The following CAMTA1 variants were observed in gnomAD, a reference collection of about 807,000 sequenced individuals.
CAMTA1 encodes the protein calmodulin-binding transcription activator 1.
CAMTA1 carries 27 observed loss-of-function variants against 170.9 expected under a neutral mutation model. The observed-to-expected ratio is 0.16, with a 90% CI of 0.12 to 0.22. The LOEUF is 0.22. Among genes scored for constraint, CAMTA1 ranks in the 10% least tolerant of loss-of-function variants. The pLI, the probability that CAMTA1 is intolerant of heterozygous loss-of-function variation, is 1.00. For missense variants in CAMTA1, 1,619 were observed against 2,217.2 expected (o/e 0.73, Z 5.42); for synonymous variants, 833 against 891.5 (o/e 0.93, Z 1.17).
chr1:6,888,750 C>A (rs1398596821), intron 3 of CAMTA1, among the ~76,000 whole-genome samples: 1 of 152,150 alleles, frequency 6.6e-6, no homozygotes, highest in African/African-American at 2.4e-5. Context: ...CGTCTTTATT[C>A]GTTGTGTGTT....
intron 4 of CAMTA1, among the ~76,000 whole-genome samples, chr1:7,183,340 C>A (rs569320357): frequency 2.6e-5 from 4 of 152,144 alleles, no homozygotes; most frequent in Admixed American, 6.5e-5. Context: ...GCCCCAACTG[C>A]AACTTGGGGA....
At chr1:7,511,004 C>G (rs899712374) in intron 6 of CAMTA1, among the ~76,000 whole-genome samples, 1 of 144,928 alleles carries the variant, frequency 6.9e-6, no homozygotes, top group African/African-American at 2.5e-5. Flanking sequence ...CGAGCCTCCC[C>G]TCTTTAAACT....
At chr1:7,582,613 C>T (rs2150406059) in intron 6 of CAMTA1, among the ~76,000 whole-genome samples, 1 of 152,288 alleles carries the variant, frequency 6.6e-6, no homozygotes, top group East Asian at 1.9e-4. Context: ...ACTCCAGCAG[C>T]TTCTGGTCCA....
intron 11 of CAMTA1, among the ~76,000 whole-genome samples, chr1:7,706,294 T>G (rs1198173040): frequency 6.6e-6 from 1 of 152,256 alleles, no homozygotes; most frequent in Non-Finnish European, 1.5e-5. Context: ...GTTTGGTTGC[T>G]TGAATGAATG....
intron 22 of CAMTA1, among the ~76,000 whole-genome samples, chr1:7,763,672 T>G (rs925170182): frequency 1.3e-5 from 2 of 152,256 alleles, no homozygotes; most frequent in African/African-American, 4.8e-5. Flanking sequence ...GATTATAGAT[T>G]CTTTGGTATG....
In CAMTA1 at chr1:6,901,736, G is replaced by T. The variant is rs1454559806; in HGVS notation, c.234+76526G>T. ...GACCCTGGTAATACCAAGTGCTGGT[G>T]AACATGTAGGGAAACTGAAACTCTT... On this transcript the variant is annotated intron_variant, in intron 3 of 22. Transcript: ENST00000303635. Among the ~76,000 whole-genome samples, 2 of 152,122 alleles carry T rather than the reference G, an allele frequency of 1.3e-5. 1 individual carries two copies. Among genetic ancestry groups the T allele is most frequent in the East Asian group, 3.9e-4 (2 of 5,184 alleles).
chr1:6,875,892 C>T (rs1202504535), intron 3 of CAMTA1, among the ~76,000 whole-genome samples: 3 of 152,230 alleles, frequency 2.0e-5, no homozygotes, highest in Admixed American at 2.0e-4. Flanking sequence ...ACATTGTGCA[C>T]ATATGGATCT....
chr1:7,453,623 G>C (rs1287156171), intron 5 of CAMTA1, among the ~76,000 whole-genome samples: 1 of 152,246 alleles, frequency 6.6e-6, no homozygotes, highest in Non-Finnish European at 1.5e-5. Context: ...CCCTGGAGGG[G>C]GACATGTGGG....
intron 4 of CAMTA1, among the ~76,000 whole-genome samples, chr1:7,239,748 TAGA>T (rs1215793830): frequency 6.8e-6 from 1 of 147,592 alleles, no homozygotes; most frequent in Non-Finnish European, 1.5e-5. Context: ...TTATAAACAA[TAGA>T]AGTTTACTTG....
chr1:7,269,232 A>C (rs530989374), intron 5 of CAMTA1, among the ~76,000 whole-genome samples: 1 of 152,272 alleles, frequency 6.6e-6, no homozygotes, highest in South Asian at 2.1e-4. Flanking sequence ...AGCATTCTTG[A>C]TTGTTTTACA....
In CAMTA1 at chr1:6,886,224, G is replaced by C. The variant is rs192741888; in HGVS notation, c.234+61014G>C. 384 of 455,880 alleles carry C rather than the reference G, an allele frequency of 8.4e-4. 1 individual carries two copies. Among genetic ancestry groups the C allele is most frequent in the African/African-American group, 6.9e-3 (346 of 50,168 alleles). The allele number at this position is 455,880 out of a possible 1,614,324, so 28.2% of individuals were successfully genotyped here. On this transcript the variant is annotated intron_variant, in intron 3 of 22. Transcript: ENST00000303635. ...TTGGAGGAAGAGAAGAATAAATACTGTTTTTGTTTATACAGGTCTTAAAAT... is the reference window on the plus strand; with the variant it reads ...TTGGAGGAAGAGAAGAATAAATACTCTTTTTGTTTATACAGGTCTTAAAAT...
At chr1:7,753,366 G>A (rs2096910766) in intron 21 of CAMTA1, among the ~76,000 whole-genome samples, 1 of 152,220 alleles carries the variant, frequency 6.6e-6, no homozygotes, top group African/African-American at 2.4e-5. Context: ...CGAGCTGGGT[G>A]TAGACCACCT....
intron 3 of CAMTA1, among the ~76,000 whole-genome samples, chr1:7,018,135 A>C (rs1700826256): frequency 1.3e-5 from 2 of 152,032 alleles, no homozygotes; most frequent in Non-Finnish European, 2.9e-5. Flanking sequence ...GGCTAATGCC[A>C]GGGCTTTTTA....
At chr1:7,418,804 C>T (rs1419110431) in intron 5 of CAMTA1, among the ~76,000 whole-genome samples, 2 of 152,236 alleles carry the variant, frequency 1.3e-5, no homozygotes, top group African/African-American at 4.8e-5. Flanking sequence ...CTGGACGCTG[C>T]TCTCCTGCCC....
chr1:7,501,507 TG>T (rs1314738948), intron 6 of CAMTA1, among the ~76,000 whole-genome samples: 1 of 152,012 alleles, frequency 6.6e-6, no homozygotes, highest in African/African-American at 2.4e-5. Context: ...GAGAGAGGGA[TG>T]GTTTGTGCTG....
chr1:7,252,259 T>C (rs1281866229), intron 5 of CAMTA1, among the ~76,000 whole-genome samples: 1 of 152,218 alleles, frequency 6.6e-6, no homozygotes, highest in African/African-American at 2.4e-5. Flanking sequence ...ATCCTCTCGC[T>C]TAGTGATAGA....
At chr1:7,148,266 CACAA>C (rs1181090070) in intron 4 of CAMTA1, among the ~76,000 whole-genome samples, 6 of 151,990 alleles carry the variant, frequency 3.9e-5, no homozygotes, top group East Asian at 1.9e-4. Flanking sequence ...CATGCACACA[CACAA>C]ACATACACCA....
Position 7,180,328 on chromosome 1 carries a change from G to A in CAMTA1, c.303-69163G>A, listed in dbSNP as rs141326675. Among the ~76,000 whole-genome samples the A allele has an allele frequency of 9.8e-3, 1,480 of 151,484 alleles. 21 individuals are homozygous for A. Among genetic ancestry groups the A allele is most frequent in the African/African-American group, 0.034 (1,389 of 41,206 alleles). ...AGCTGAGATCACACCATTGCACTCC[G>A]GCCTGGGTGACAAGAGCGAAACTAC... is the stretch of plus-strand genomic sequence containing the variant. On this transcript the variant is annotated intron_variant, in intron 4 of 22. Transcript: ENST00000303635.
chr1:7,088,350 T>C (rs889585506), intron 3 of CAMTA1, among the ~76,000 whole-genome samples: 2 of 152,138 alleles, frequency 1.3e-5, no homozygotes, highest in African/African-American at 4.8e-5. Context: ...AGAAGCTCAT[T>C]AAACATGACG....
Sources: gnomAD v4.1 joint callset for allele counts (sites outside exome capture counted in the v4.1 genomes callset) on GRCh38, gnomAD v4.1.1 for gene constraint, MANE v1.5 for transcripts, NCBI Gene and HGNC (gene_info 2026-07-23, HGNC 2026-07-21) for gene names.